SLC24A4: variants seen among roughly 807,000 people sequenced by gnomAD.
The protein encoded by SLC24A4 is sodium/potassium/calcium exchanger 4.
SLC24A4 carries 53 observed loss-of-function variants against 79.0 expected under a neutral mutation model. The ratio of observed to expected loss-of-function variants is 0.67; its 90% CI spans 0.54 to 0.84. SLC24A4 has a LOEUF of 0.84. Ranked by LOEUF, SLC24A4 falls within the 40% of genes least tolerant of loss-of-function variation. The pLI is 0.00. For missense variants in SLC24A4, 731 were observed against 822.0 expected, an observed-to-expected ratio of 0.89 and a Z score of 1.35; for synonymous variants, 323 against 323.8, an observed-to-expected ratio of 1.00 and a Z score of 0.03.
intron 2 of SLC24A4, among the ~76,000 whole-genome samples, chr14:92,419,956 G>C (rs1430890453): frequency 6.6e-6 from 1 of 152,188 alleles, no homozygotes; most frequent in African/African-American, 2.4e-5. Context: ...TCAGTCACTG[G>C]TGTCCTTATA....
Position 92,459,702 on chromosome 14 carries a change from C to T in SLC24A4, c.1255+3094C>T, listed in dbSNP as rs571031625. ...TTCCTTTTCTTCTTCCTCCCTTTCC[C>T]CTGTGAGGAGCAGGCGGTGGGAACG... On this transcript the variant is annotated intron_variant, in intron 12 of 16. Transcript: ENST00000532405. Among the ~76,000 whole-genome samples the T allele has an allele frequency of 4.7e-4, 72 of 152,292 alleles. 1 individual carries two copies. The highest frequency in any genetic ancestry group is 1.4e-3 in the African/African-American group (58 of 41,556).
At chr14:92,394,162 A>G (rs539846688) in intron 2 of SLC24A4, among the ~76,000 whole-genome samples, 4 of 152,048 alleles carry the variant, frequency 2.6e-5, no homozygotes, top group Non-Finnish European at 5.9e-5. Flanking sequence ...GTTAATAGGA[A>G]CAGTGTTGTG....
intron 13 of SLC24A4, 66 bp downstream of exon 13, chr14:92,482,912 G>T: frequency 6.6e-7 from 1 of 1,507,866 alleles, no homozygotes. Context: ...CTGGGTTCAA[G>T]GCTAACCACA....
chr14:92,382,580 C>A (rs1327787884), intron 2 of SLC24A4, among the ~76,000 whole-genome samples: 2 of 152,114 alleles, frequency 1.3e-5, no homozygotes, highest in Non-Finnish European at 2.9e-5. Flanking sequence ...ATTTAATGCC[C>A]ACACCCTATG....
chr14:92,430,622 G>T (rs1236514615), intron 2 of SLC24A4, among the ~76,000 whole-genome samples: 1 of 152,182 alleles, frequency 6.6e-6, no homozygotes, highest in African/African-American at 2.4e-5. Flanking sequence ...GGACACCTGG[G>T]TGTGTCCAGG....
chr14:92,391,587 T>C (rs1181980292), intron 2 of SLC24A4, among the ~76,000 whole-genome samples: 1 of 152,202 alleles, frequency 6.6e-6, no homozygotes, highest in Non-Finnish European at 1.5e-5. Context: ...ACATAGTATG[T>C]CCCATCCCAC....
intron 2 of SLC24A4, among the ~76,000 whole-genome samples, chr14:92,377,157 G>A (rs531733362): frequency 1.3e-5 from 2 of 152,362 alleles, no homozygotes; most frequent in East Asian, 3.9e-4. Flanking sequence ...TCATGGCAGA[G>A]CTGGGTTTCG....
intron 2 of SLC24A4, among the ~76,000 whole-genome samples, chr14:92,405,741 AG>A (rs796684675): frequency 2.4e-4 from 37 of 152,252 alleles, no homozygotes; most frequent in African/African-American, 8.2e-4. Flanking sequence ...GAGAACAGTA[AG>A]GGGGAAATCT....
chr14:92,409,387 C>G (rs1259122346), intron 2 of SLC24A4, among the ~76,000 whole-genome samples: 2 of 152,214 alleles, frequency 1.3e-5, no homozygotes, highest in Non-Finnish European at 2.9e-5. Flanking sequence ...GTGGAGCTGC[C>G]TGGGAGCGAG....
At chr14:92,451,857 G>A (rs946946819) in intron 10 of SLC24A4, 3 of 152,486 alleles carry the variant, frequency 2.0e-5, no homozygotes, top group African/African-American at 4.8e-5. Context: ...CCTGGCCCTG[G>A]GCACAGCCTT....
intron 2 of SLC24A4, among the ~76,000 whole-genome samples, chr14:92,392,339 C>T (rs1176775502): frequency 1.3e-5 from 2 of 151,822 alleles, no homozygotes; most frequent in Non-Finnish European, 2.9e-5. Flanking sequence ...CCTGGGTCCC[C>T]GGATTTTGTC....
Position 92,442,154 on chromosome 14 carries a change from G to T in SLC24A4, c.459G>T (p.Glu153Asp). The T allele has an allele frequency of 6.2e-7, 1 of 1,613,824 alleles. No homozygotes were observed. The highest frequency in any genetic ancestry group is 8.5e-7 in the Non-Finnish European group (1 of 1,179,884). ...TGGCTGCAGGAAGCTCAACGCCAGA[G>T]CTGTTTGCGTCTGTTATTGGTAAGA... ...TFMAAGSSTPELFASVIGVFI... is the reference protein window; with the variant it reads ...TFMAAGSSTPDLFASVIGVFI... Residue 153 changes from glutamate to aspartate, a missense_variant, in exon 5 of 17, where the codon GAG (glutamate) becomes GAT (aspartate). By Grantham distance (45) the Glu-to-Asp change is conservative. Transcript: ENST00000532405.
In SLC24A4 at chr14:92,345,865, G is replaced by A. The variant is rs191345952; in HGVS notation, c.241+19887G>A. ...AGGGCCCTGCCCTGGTGGAGCTTACGGTTTAGTGGAGCAGACAGAAAGTAA... is the reference window on the plus strand; with the variant it reads ...AGGGCCCTGCCCTGGTGGAGCTTACAGTTTAGTGGAGCAGACAGAAAGTAA... On this transcript the variant is annotated intron_variant, in intron 2 of 16. Coordinates refer to ENST00000532405, the MANE Select transcript of SLC24A4 (RefSeq NM_153646.4). 2.6e-5 allele frequency among the ~76,000 whole-genome samples: 4 copies of A among 152,316 alleles called. No homozygotes were observed. In the East Asian group the frequency reaches 5.8e-4, roughly 22 times the overall value.
chr14:92,417,165 A>C (rs968827854), intron 2 of SLC24A4, among the ~76,000 whole-genome samples: 1 of 152,200 alleles, frequency 6.6e-6, no homozygotes, highest in East Asian at 1.9e-4. Context: ...CCATATAACA[A>C]CATTCATTTC....
At chr14:92,469,291 G>A (rs7161112) in intron 12 of SLC24A4, among the ~76,000 whole-genome samples, 23,748 of 152,014 alleles carry the variant, frequency 0.16, 2,004 homozygotes, top group Middle Eastern at 0.37. Flanking sequence ...GGCAGATCAC[G>A]AGGTCAGGAG....
rs757257288 is a variant in SLC24A4 at position 92,442,142 on chromosome 14, C to G, written c.447C>G (p.Ser149Arg). The G allele has an allele frequency of 4.3e-6, 7 of 1,613,808 alleles. No homozygotes were observed. In the South Asian group the frequency reaches 7.7e-5, roughly 18 times the overall value. ...GAGCCACCTTCATGGCTGCAGGAAG[C>G]TCAACGCCAGAGCTGTTTGCGTCTG... ...VAGATFMAAGSSTPELFASVI... is the reference protein window; with the variant it reads ...VAGATFMAAGRSTPELFASVI... Residue 149 changes from serine (S) to arginine (R), a missense_variant, in exon 5 of 17, where the codon AGC becomes AGG. Ser to Arg is a moderately radical substitution (Grantham distance 110). Coordinates refer to ENST00000532405, the MANE Select transcript of SLC24A4 (RefSeq NM_153646.4).
chr14:92,472,644 G>C (rs538355100), intron 12 of SLC24A4, among the ~76,000 whole-genome samples: 1 of 152,116 alleles, frequency 6.6e-6, no homozygotes, highest in African/African-American at 2.4e-5. Flanking sequence ...GAACATATAT[G>C]TGCATATATG....
intron 2 of SLC24A4, among the ~76,000 whole-genome samples, chr14:92,339,364 C>A (rs1242823219): frequency 6.6e-6 from 1 of 152,236 alleles, no homozygotes; most frequent in East Asian, 1.9e-4. Flanking sequence ...TGTAAGCTAA[C>A]AATGGAGTAG....
intron 12 of SLC24A4, 123 bp downstream of exon 12, chr14:92,456,731 G>A (rs1203411993): frequency 1.4e-5 from 14 of 973,518 alleles, no homozygotes; most frequent in Non-Finnish European, 2.1e-5. Context: ...GCAAAGGGTC[G>A]ATATTAGGTC....
Sources: gnomAD v4.1 joint callset for allele counts (sites outside exome capture counted in the v4.1 genomes callset) on GRCh38, gnomAD v4.1.1 for gene constraint, MANE v1.5 for transcripts, NCBI Gene and HGNC (gene_info 2026-07-23, HGNC 2026-07-21) for gene names.